Variants in ZFAND6 observed in about 807,000 individuals in gnomAD.
ZFAND6 encodes AN1-type zinc finger protein 6.
In ZFAND6, 12 loss-of-function variants were observed where a neutral mutation model predicts 24.5. That is an observed-to-expected ratio of 0.49 (90% CI 0.31 to 0.79). ZFAND6 has a LOEUF of 0.79. Among genes scored for constraint, ZFAND6 ranks in the 30% least tolerant of loss-of-function variants. The pLI, the probability that ZFAND6 is intolerant of heterozygous loss-of-function variation, is 0.04. For synonymous variants in ZFAND6, 92 were observed against 81.5 expected (o/e 1.13, Z -0.69); for missense variants, 207 against 245.9 (o/e 0.84, Z 1.06).
At chr15:80,099,177 A>AG (rs1419572113) in intron 2 of ZFAND6, among the ~76,000 whole-genome samples, 3 of 152,132 alleles carry the variant, frequency 2.0e-5, no homozygotes, top group African/African-American at 4.8e-5. Flanking sequence ...TGCCTATGGA[A>AG]GAAAAAAAAT....
intron 1 of ZFAND6, among the ~76,000 whole-genome samples, chr15:80,089,850 G>T (rs1429750547): frequency 6.6e-6 from 1 of 151,948 alleles, no homozygotes; most frequent in African/African-American, 2.4e-5. Flanking sequence ...ACCCTTCTAG[G>T]TATTTATATT....
intron 1 of ZFAND6, among the ~76,000 whole-genome samples, chr15:80,092,708 T>C (rs1178181779): frequency 1.3e-5 from 2 of 152,164 alleles, no homozygotes; most frequent in African/African-American, 4.8e-5. Context: ...TGGAATGTTT[T>C]ACCTTGGCAA....
At chr15:80,137,288 C>T (rs574587881) in intron 6 of ZFAND6, among the ~76,000 whole-genome samples, 192 bp from the exon 7 acceptor site, 24 of 152,204 alleles carry the variant, frequency 1.6e-4, no homozygotes, top group African/African-American at 5.3e-4. Context: ...GGCAAACCTG[C>T]GTTTGTAGAT....
At chr15:80,099,407 A>C (rs953826032) in intron 2 of ZFAND6, among the ~76,000 whole-genome samples, 3 of 152,210 alleles carry the variant, frequency 2.0e-5, no homozygotes, top group African/African-American at 4.8e-5. Context: ...AATGATGAGC[A>C]TGTAGACAGA....
chr15:80,122,990 TATC>T (rs2040213794), intron 5 of ZFAND6, 190 bp downstream of exon 5: 2 of 501,752 alleles, frequency 4.0e-6, no homozygotes, highest in South Asian at 5.9e-5. Context: ...CATGTAATTT[TATC>T]ATCAGCATAA....
At position 80,121,699 on chromosome 15, in the gene ZFAND6, G is replaced by A. The variant is rs1288296970; in HGVS notation, c.155-13G>A. 2 of 1,609,018 alleles carry A rather than the reference G, an allele frequency of 1.2e-6. No individual in the cohort carries two copies. Among genetic ancestry groups the A allele is most frequent in the Non-Finnish European group, 8.5e-7 (1 of 1,175,872 alleles). On this transcript the variant is annotated splice_polypyrimidine_tract_variant and intron_variant, in intron 3 of 6. Transcript: ENST00000261749. ...ATATAGAATCACTAATACGCAATGTGGTACTGTTACAGCAACCTCTGTCAG... is the reference window on the plus strand; with the variant it reads ...ATATAGAATCACTAATACGCAATGTAGTACTGTTACAGCAACCTCTGTCAG...
At chr15:80,126,600 T>A (rs1000143688) in intron 5 of ZFAND6, among the ~76,000 whole-genome samples, 4 of 152,190 alleles carry the variant, frequency 2.6e-5, no homozygotes, top group Non-Finnish European at 4.4e-5. Context: ...TTCGAAAGAA[T>A]GAATTGGACT....
intron 1 of ZFAND6, among the ~76,000 whole-genome samples, chr15:80,077,960 A>C (rs908030751): frequency 6.6e-6 from 1 of 152,048 alleles, no homozygotes; most frequent in East Asian, 1.9e-4. Flanking sequence ...CGGCCTCCCA[A>C]AGTGCTGGGA....
intron 1 of ZFAND6, among the ~76,000 whole-genome samples, chr15:80,064,585 A>AAT (rs2036510523): frequency 7.2e-6 from 1 of 139,540 alleles, no homozygotes; most frequent in African/African-American, 2.7e-5. Context: ...TATACACACA[A>AAT]ATATATATAC....
intron 1 of ZFAND6, among the ~76,000 whole-genome samples, chr15:80,077,277 G>A (rs2037338084): frequency 1.3e-5 from 2 of 151,914 alleles, no homozygotes; most frequent in South Asian, 4.2e-4. Flanking sequence ...AGGGTAGAGA[G>A]GCTACATAGA....
intron 3 of ZFAND6, 153 bp downstream of exon 3, chr15:80,120,651 G>C: frequency 1.9e-6 from 1 of 527,860 alleles, no homozygotes; most frequent in Non-Finnish European, 2.9e-6. Flanking sequence ...ATTATAATCA[G>C]TAGTGAGGAG....
At chr15:80,131,586 A>G (rs1389566126) in intron 6 of ZFAND6, 14 of 398,560 alleles carry the variant, frequency 3.5e-5, no homozygotes, top group Non-Finnish European at 6.2e-5. Flanking sequence ...CCTGCTTTTA[A>G]GGAGAGAATA....
intron 1 of ZFAND6, among the ~76,000 whole-genome samples, chr15:80,096,179 C>A (rs1262944469): frequency 1.3e-5 from 2 of 152,176 alleles, no homozygotes; most frequent in Non-Finnish European, 2.9e-5. Context: ...TAGCACCTGA[C>A]TTTTAAGGAT....
intron 2 of ZFAND6, chr15:80,114,943 C>G (rs894631231): frequency 2.0e-5 from 3 of 152,128 alleles, no homozygotes; most frequent in African/African-American, 7.2e-5. Context: ...AATGAATGCT[C>G]AGAAAATTAT....
chr15:80,080,128 G>A (rs1364345178), intron 1 of ZFAND6, among the ~76,000 whole-genome samples: 2 of 151,842 alleles, frequency 1.3e-5, no homozygotes, highest in African/African-American at 4.8e-5. Context: ...CCTCCGAGTA[G>A]CTGGGATTAC....
At chr15:80,089,261 T>G (rs928724991) in intron 1 of ZFAND6, among the ~76,000 whole-genome samples, 52 of 123,068 alleles carry the variant, frequency 4.2e-4, no homozygotes, top group African/African-American at 1.7e-3. Flanking sequence ...GTGTGTGTGT[T>G]TTTTTTTTTT....
At chr15:80,127,284 C>T (rs62006321) in intron 5 of ZFAND6, among the ~76,000 whole-genome samples, 64 of 151,876 alleles carry the variant, frequency 4.2e-4, no homozygotes, top group Non-Finnish European at 8.1e-4. Context: ...TTCCAATAAA[C>T]ACATGAAAAG....
chr15:80,087,197 G>C (rs559362423), intron 1 of ZFAND6, among the ~76,000 whole-genome samples: 1 of 152,178 alleles, frequency 6.6e-6, no homozygotes, highest in Non-Finnish European at 1.5e-5. Flanking sequence ...CTAGGTCTTA[G>C]GATAATTGCA....
chr15:80,124,117 G>T (rs2040267295), intron 5 of ZFAND6, among the ~76,000 whole-genome samples: 1 of 152,166 alleles, frequency 6.6e-6, no homozygotes, highest in Admixed American at 6.5e-5. Context: ...TTAAGGAAGG[G>T]CAGAAATGAG....
Sources: gnomAD v4.1 joint callset for allele counts (sites outside exome capture counted in the v4.1 genomes callset) on GRCh38, gnomAD v4.1.1 for gene constraint, MANE v1.5 for transcripts, NCBI Gene and HGNC (gene_info 2026-07-23, HGNC 2026-07-21) for gene names.